The following ZNF567 variants were observed in gnomAD, a reference collection of about 807,000 sequenced individuals.
ZNF567 encodes the protein zinc finger protein 567.
ZNF567 carries 36 observed loss-of-function variants against 53.9 expected under a neutral mutation model. The ratio of observed to expected loss-of-function variants is 0.67; its 90% CI spans 0.51 to 0.88. The LOEUF (loss-of-function observed/expected upper bound fraction) is 0.88, where lower values mean the gene tolerates loss of function less well. Among genes scored for constraint, ZNF567 ranks in the 40% least tolerant of loss-of-function variants. The pLI, the probability that ZNF567 is intolerant of heterozygous loss-of-function variation, is 0.00. For synonymous variants in ZNF567, 224 were observed against 260.4 expected (o/e 0.86, Z 1.35); for missense variants, 619 against 764.7 (o/e 0.81, Z 2.25).
chr19:36,724,489 T>G (rs1304672927), downstream of ZNF567, among the ~76,000 whole-genome samples: 5 of 151,200 alleles, frequency 3.3e-5, no homozygotes, highest in Non-Finnish European at 7.4e-5. Flanking sequence ...TCAAGACCAG[T>G]CTGGCCAACA....
At chr19:36,721,643 C>T (rs2040299911), downstream of ZNF567, among the ~76,000 whole-genome samples, 1 of 151,246 alleles carries the variant, frequency 6.6e-6, no homozygotes, top group Non-Finnish European at 1.5e-5. Flanking sequence ...CTTATTACAC[C>T]TTATTTAATA....
chr19:36,701,827 G>A (rs374793153), intron 3 of ZNF567, among the ~76,000 whole-genome samples: 3 of 127,716 alleles, frequency 2.3e-5, no homozygotes, highest in Non-Finnish European at 3.3e-5. Context: ...GTCTCTGCAC[G>A]TGAGATGGGT....
intron 3 of ZNF567, among the ~76,000 whole-genome samples, chr19:36,706,527 C>T (rs1280318774): frequency 6.6e-6 from 1 of 152,032 alleles, no homozygotes; most frequent in Non-Finnish European, 1.5e-5. Flanking sequence ...CTTTTGGGTT[C>T]AACCAATCTG....
At chr19:36,727,012 T>TTTTTTTCTTTCTTTCTTTCCTTTTC (rs2040338222), downstream of ZNF567, 1 of 125,616 alleles carries the variant, frequency 8.0e-6, no homozygotes, top group African/African-American at 3.3e-5. Flanking sequence ...CTTTCTTTCC[T>TTTTTTTCTTTCTTTCTTTCCTTTTC]TTTTTTTTTT....
chr19:36,691,857 A>AG (rs1256913449), intron 2 of ZNF567, among the ~76,000 whole-genome samples: 18 of 152,200 alleles, frequency 1.2e-4, no homozygotes, highest in Admixed American at 1.1e-3. Flanking sequence ...TATGTTGCCC[A>AG]GGCTGGTCTC....
At chr19:36,679,749 C>G in the ZNF567 span, among the ~76,000 whole-genome samples, 1 of 151,814 alleles carries the variant, frequency 6.6e-6, no homozygotes, top group African/African-American at 2.4e-5. Context: ...ACTGTATGAT[C>G]TCACTTACAT....
intron 5 of ZNF567, among the ~76,000 whole-genome samples, chr19:36,715,488 AATAATAATAATAATAATAATAATTATT>A (rs1169740329): frequency 1.2e-5 from 1 of 80,786 alleles, no homozygotes; most frequent in Non-Finnish European, 2.4e-5. Flanking sequence ...AAATAATAAT[AATAATAATAATAATAATAATAATTATT>A]ATTATTATTA....
chr19:36,695,254 C>T (rs1001320603), intron 3 of ZNF567, among the ~76,000 whole-genome samples: 11 of 151,640 alleles, frequency 7.3e-5, no homozygotes, highest in African/African-American at 1.4e-4. Flanking sequence ...ATAGGCCAGG[C>T]GCGGTGGCTC....
the ZNF567 span, among the ~76,000 whole-genome samples, chr19:36,676,153 G>A: frequency 7.8e-6 from 1 of 128,626 alleles, no homozygotes; most frequent in Non-Finnish European, 1.5e-5. Context: ...TGCAACCTCT[G>A]CCTCCTGGGT....
In ZNF567 at chr19:36,719,472, G is replaced by GA. The variant is rs762873548; in HGVS notation, c.756dup (p.His253ThrfsTer5). The GA allele has an allele frequency of 1.3e-5, 21 of 1,609,198 alleles. No individual in the cohort carries two copies. The highest frequency in any genetic ancestry group is 2.2e-5 in the South Asian group (2 of 89,910). ...TAAAAAAAGAAGAGCAACCAATATT[G>GA]AAAAAAAACATACATGCAATGAATG... On this transcript the variant is annotated frameshift_variant, in exon 6 of 6. Coordinates refer to ENST00000682579, the MANE Select transcript of ZNF567 (RefSeq NM_001322917.1). LOFTEE classifies it high-confidence loss of function.
chr19:36,687,664 G>T (rs916314753), intron 1 of ZNF567, 30 bp downstream of exon 1: 24 of 152,598 alleles, frequency 1.6e-4, no homozygotes, highest in African/African-American at 5.5e-4. Context: ...CGGGCGCGGA[G>T]AAGGCGGGTG....
the ZNF567 span, among the ~76,000 whole-genome samples, chr19:36,674,430 T>A: frequency 2.0e-5 from 3 of 152,324 alleles, no homozygotes; most frequent in South Asian, 6.2e-4. Flanking sequence ...TGGGTGTGAA[T>A]GAATGTCCTC....
At chr19:36,706,668 G>GT (rs2039503979) in intron 3 of ZNF567, among the ~76,000 whole-genome samples, 2 of 106,324 alleles carry the variant, frequency 1.9e-5, no homozygotes, top group Non-Finnish European at 2.0e-5. Context: ...TTTTACTGTT[G>GT]GTTTTTTTTT....
intron 3 of ZNF567, among the ~76,000 whole-genome samples, chr19:36,707,172 T>C (rs945288782): frequency 1.3e-5 from 2 of 152,134 alleles, no homozygotes; most frequent in Non-Finnish European, 2.9e-5. Context: ...GATTGAGAAA[T>C]TTTTTATGAT....
At chr19:36,682,681 C>T (rs2038205153), upstream of ZNF567, among the ~76,000 whole-genome samples, 1 of 150,340 alleles carries the variant, frequency 6.7e-6, no homozygotes, top group African/African-American at 2.5e-5. Flanking sequence ...CATCTTGGCT[C>T]ACTGCAAGCT....
chr19:36,726,715 CA>C (rs1938212687), downstream of ZNF567, among the ~76,000 whole-genome samples: 1 of 152,200 alleles, frequency 6.6e-6, no homozygotes, highest in Non-Finnish European at 1.5e-5. Context: ...ACTGGCCCAG[CA>C]GGTAGTTTAA....
chr19:36,696,952 T>C (rs2038918746), intron 3 of ZNF567, among the ~76,000 whole-genome samples: 1 of 152,236 alleles, frequency 6.6e-6, no homozygotes, highest in Non-Finnish European at 1.5e-5. Context: ...ATAGAAATTC[T>C]GTACCAATAA....
At chr19:36,705,778 A>T (rs2039460277) in intron 3 of ZNF567, among the ~76,000 whole-genome samples, 1 of 152,154 alleles carries the variant, frequency 6.6e-6, no homozygotes, top group African/African-American at 2.4e-5. Context: ...CTTCTATTAT[A>T]ACTAAGCTTT....
chr19:36,671,594 T>C, the ZNF567 span, among the ~76,000 whole-genome samples: 1 of 152,152 alleles, frequency 6.6e-6, no homozygotes, highest in Non-Finnish European at 1.5e-5. Context: ...GTGCCTCAAG[T>C]GTCAGTAGCA....
Sources: allele counts gnomAD v4.1 joint callset (sites outside exome capture counted in the v4.1 genomes callset), GRCh38; gene constraint gnomAD v4.1.1; transcripts MANE v1.5; gene names NCBI Gene and HGNC (gene_info 2026-07-23, HGNC 2026-07-21).